Variants in FLRT2 observed in about 807,000 individuals in gnomAD.
The protein encoded by FLRT2 is leucine-rich repeat transmembrane protein FLRT2.
Under a neutral mutation model 40.0 loss-of-function variants are expected in FLRT2, and 15 were observed. The observed-to-expected ratio is 0.38, with a 90% CI of 0.25 to 0.58. The LOEUF is 0.58. Among genes scored for constraint, FLRT2 ranks in the 20% least tolerant of loss-of-function variants. The probability of loss-of-function intolerance (pLI) is 0.71; values close to 1 mark genes in which losing one functional copy is unlikely to be tolerated. For synonymous variants in FLRT2, 380 were observed against 336.8 expected, an observed-to-expected ratio of 1.13 and a Z score of -1.41; for missense variants, 726 against 840.0, an observed-to-expected ratio of 0.86 and a Z score of 1.68.
intron 1 of FLRT2, among the ~76,000 whole-genome samples, chr14:85,596,652 T>A (rs540683835): frequency 7.9e-4 from 120 of 152,116 alleles, no homozygotes; most frequent in African/African-American, 2.4e-3. Flanking sequence ...AAGACTTTTT[T>A]AAAAAAAACA....
chr14:85,653,277 G>C lies in FLRT2; in HGVS notation c.*29780G>C, dbSNP rs1894477033. On this transcript the variant is annotated 3_prime_UTR_variant, in exon 2 of 2. Transcript: ENST00000330753. ...CACAAAATAGCTTTGCTAGGGAACA[G>C]ATGTAACTTGGAGAAGTACCAATTT... The C allele has an allele frequency of 6.6e-6, 1 of 152,130 alleles. No individual in the cohort carries two copies. Among genetic ancestry groups the C allele is most frequent in the African/African-American group, 2.4e-5 (1 of 41,422 alleles). 9.4% of individuals were successfully genotyped at this position (152,130 alleles called of 1,614,324 possible). A position where few individuals can be genotyped will look rare whatever the true frequency, so the allele number is the denominator to read the frequency against.
At position 85,636,939 on chromosome 14, in the gene FLRT2, A is replaced by C. The variant is rs1894021223; in HGVS notation, c.*13442A>C. 1 of 147,710 alleles carries C rather than the reference A, an allele frequency of 6.8e-6. No homozygotes were observed. Among genetic ancestry groups the C allele is most frequent in the Non-Finnish European group, 1.5e-5 (1 of 67,498 alleles). The allele number at this position is 147,710 out of a possible 1,614,324, so 9.1% of individuals were successfully genotyped here. Reference sequence around the variant, plus strand: ...GCGATACTTCGTCTCCAAAAAAAAAAAAAAAAAAAAAAAAAGAGAGAGACT... The same window carrying C: ...GCGATACTTCGTCTCCAAAAAAAAACAAAAAAAAAAAAAAAGAGAGAGACT... On this transcript the variant is annotated 3_prime_UTR_variant, in exon 2 of 2. Coordinates refer to ENST00000330753, the MANE Select transcript of FLRT2 (RefSeq NM_013231.6).
intron 1 of FLRT2, among the ~76,000 whole-genome samples, chr14:85,582,040 C>T (rs1891409846): frequency 6.6e-6 from 1 of 152,168 alleles, no homozygotes; most frequent in East Asian, 1.9e-4. Context: ...GGGCATGGAA[C>T]AGTACCACTA....
At chr14:85,577,621 G>C (rs540437050) in intron 1 of FLRT2, among the ~76,000 whole-genome samples, 84 of 151,608 alleles carry the variant, frequency 5.5e-4, no homozygotes, top group Non-Finnish European at 7.1e-4. Flanking sequence ...GGGTCTCACC[G>C]TGTTGCCCAG....
Position 85,622,207 on chromosome 14 carries a change from G to A in FLRT2, c.693G>A (p.Lys231=). 1 of 1,614,060 alleles carries A rather than the reference G, an allele frequency of 6.2e-7. No individual in the cohort carries two copies. The highest frequency in any genetic ancestry group is 2.2e-5 in the East Asian group (1 of 44,860). Residue 231 remains lysine (K), a synonymous_variant, in exon 2 of 2, where the codon AAG becomes AAA. Transcript: ENST00000330753. ...AGGGCACCTTCAGCCATCTCACCAA[G>A]CTCAAGGAATTTTCAATTGTACGTA... ...IAEGTFSHLT[K]LKEFSIVRNS...
intron 1 of FLRT2, among the ~76,000 whole-genome samples, chr14:85,545,327 T>A (rs139183684): frequency 6.6e-5 from 10 of 152,314 alleles, no homozygotes; most frequent in Admixed American, 2.0e-4. Flanking sequence ...TTGATAAAAG[T>A]TGTGAATAGC....
chr14:85,553,408 G>T (rs540832569), intron 1 of FLRT2, among the ~76,000 whole-genome samples: 1 of 152,042 alleles, frequency 6.6e-6, no homozygotes, highest in Non-Finnish European at 1.5e-5. Flanking sequence ...GCTTCCTGGG[G>T]CCATATTGGA....
At chr14:85,556,920 A>C (rs1390401843) in intron 1 of FLRT2, among the ~76,000 whole-genome samples, 1 of 152,214 alleles carries the variant, frequency 6.6e-6, no homozygotes, top group Non-Finnish European at 1.5e-5. Flanking sequence ...GGGAGGCCTC[A>C]GAATCATGGC....
Position 85,621,463 on chromosome 14 carries a change from TTTTTC to T in FLRT2, c.-47_-43del. The T allele has an allele frequency of 2.7e-6, 4 of 1,497,076 alleles. No individual in the cohort carries two copies. Among genetic ancestry groups the T allele is most frequent in the Non-Finnish European group, 3.6e-6 (4 of 1,114,024 alleles). 92.7% of individuals were successfully genotyped at this position (1,497,076 alleles called of 1,614,324 possible). ...CATTTTGATTTTGCTGTTTATTTTTTTTTTCTTTTTCTTTTTCCCACCACATTGTA... is the reference window on the plus strand; with the variant it reads ...CATTTTGATTTTGCTGTTTATTTTTTTTTTTCTTTTTCCCACCACATTGTA... On this transcript the variant is annotated 5_prime_UTR_variant, in exon 2 of 2. Coordinates refer to ENST00000330753, the MANE Select transcript of FLRT2 (RefSeq NM_013231.6).
chr14:85,542,825 A>T (rs1889057969), intron 1 of FLRT2, among the ~76,000 whole-genome samples: 1 of 152,178 alleles, frequency 6.6e-6, no homozygotes, highest in Non-Finnish European at 1.5e-5. Context: ...GTAACTGAGG[A>T]TTTGACAAAG....
At position 85,640,415 on chromosome 14, in the gene FLRT2, A is replaced by C. The variant is rs1254468934; in HGVS notation, c.*16918A>C. 6.6e-6 allele frequency: 1 copy of C among 152,226 alleles called. No individual in the cohort carries two copies. The highest frequency in any genetic ancestry group is 1.5e-5 in the Non-Finnish European group (1 of 68,050). 9.4% of individuals were successfully genotyped at this position (152,226 alleles called of 1,614,324 possible). A position where few individuals can be genotyped will look rare whatever the true frequency, so the allele number is the denominator to read the frequency against. ...CGTGACCAAGCTTTCCTTGGGAAGT[A>C]AACTTTGGTCACCACAATATACATA... On this transcript the variant is annotated 3_prime_UTR_variant, in exon 2 of 2. Transcript: ENST00000330753.
chr14:85,631,110 TTTTATA>T lies in FLRT2; in HGVS notation c.*7615_*7620del, dbSNP rs1893858504. 3.6e-5 allele frequency: 1 copy of T among 28,150 alleles called. No homozygotes were observed. The highest frequency in any genetic ancestry group is 5.6e-5 in the Non-Finnish European group (1 of 17,714). 1.7% of individuals were successfully genotyped at this position (28,150 alleles called of 1,614,324 possible). A position where few individuals can be genotyped will look rare whatever the true frequency, so the allele number is the denominator to read the frequency against. ...TATATAATTACATATATAATCTAGA[TTTTATA>T]TATATATATATATGAAATGAGCAAA... On this transcript the variant is annotated 3_prime_UTR_variant, in exon 2 of 2. Transcript: ENST00000330753.
At chr14:85,564,816 G>C (rs6574829) in intron 1 of FLRT2, among the ~76,000 whole-genome samples, 119,533 of 152,168 alleles carry the variant, frequency 0.79, 47,171 homozygotes, top group Non-Finnish European at 0.81. Context: ...GATGAGAATT[G>C]TAATAGCACT....
chr14:85,610,391 G>T (rs1024490919), intron 1 of FLRT2, among the ~76,000 whole-genome samples: 1 of 152,096 alleles, frequency 6.6e-6, no homozygotes, highest in South Asian at 2.1e-4. Flanking sequence ...ACTTCTTTCA[G>T]CTCTTTATTG....
chr14:85,589,181 C>T (rs1205081160), intron 1 of FLRT2, among the ~76,000 whole-genome samples: 2 of 152,126 alleles, frequency 1.3e-5, no homozygotes, highest in Non-Finnish European at 2.9e-5. Context: ...TTTTGAGGAG[C>T]CTCCAAACTG....
intron 1 of FLRT2, among the ~76,000 whole-genome samples, chr14:85,536,854 C>T (rs1181755113): frequency 6.6e-6 from 1 of 152,140 alleles, no homozygotes; most frequent in African/African-American, 2.4e-5. Flanking sequence ...ATAGCATTGA[C>T]AGTGTGATCA....
At chr14:85,540,082 A>G (rs1888898560) in intron 1 of FLRT2, among the ~76,000 whole-genome samples, 1 of 152,198 alleles carries the variant, frequency 6.6e-6, no homozygotes, top group Admixed American at 6.5e-5. Context: ...GGAAAAATAA[A>G]TCATCAATGT....
rs1411529755 is a variant in FLRT2, at chr14:85,637,618, C to G, written c.*14121C>G. On this transcript the variant is annotated 3_prime_UTR_variant, in exon 2 of 2. Transcript: ENST00000330753. ...GACAGCAAATTTCCCCCAGTCTGCT[C>G]TTCCATGAATATCTCAGACAGAGAA... 4 of 152,216 alleles carry G rather than the reference C, an allele frequency of 2.6e-5. No homozygotes were observed. Among genetic ancestry groups the G allele is most frequent in the Non-Finnish European group, 5.9e-5 (4 of 68,050 alleles). 9.4% of individuals were successfully genotyped at this position (152,216 alleles called of 1,614,324 possible).
chr14:85,591,469 T>C (rs553546467), intron 1 of FLRT2, among the ~76,000 whole-genome samples: 72 of 152,338 alleles, frequency 4.7e-4, no homozygotes, highest in African/African-American at 1.6e-3. Context: ...CCAGTATAGA[T>C]ATGTTTGAAG....
Sources: gnomAD v4.1 joint callset for allele counts (sites outside exome capture counted in the v4.1 genomes callset) on GRCh38, gnomAD v4.1.1 for gene constraint, MANE v1.5 for transcripts, NCBI Gene and HGNC (gene_info 2026-07-23, HGNC 2026-07-21) for gene names.